RAP1GDS1: variants seen among roughly 807,000 people sequenced by gnomAD.
RAP1GDS1 encodes RAP1, GTP-GDP dissociation stimulator 1.
Under a neutral mutation model 71.1 loss-of-function variants are expected in RAP1GDS1, and 35 were observed. That is an observed-to-expected ratio of 0.49 (90% confidence interval 0.38 to 0.65). The LOEUF (loss-of-function observed/expected upper bound fraction) is 0.65. RAP1GDS1 is among the 30% of genes least tolerant of loss of function. RAP1GDS1 has a pLI of 0.00. For missense variants in RAP1GDS1, 663 were observed against 706.1 expected (o/e 0.94, Z 0.69); for synonymous variants, 229 against 243.1 (o/e 0.94, Z 0.54).
At chr4:98,429,952 G>A (rs558962610) in intron 12 of RAP1GDS1, among the ~76,000 whole-genome samples, 37 of 151,962 alleles carry the variant, frequency 2.4e-4, no homozygotes, top group Non-Finnish European at 4.4e-4. Context: ...TATGTCCACA[G>A]GAAGATACAT....
At chr4:98,399,110 CTA>C (rs1215509851) in intron 6 of RAP1GDS1, among the ~76,000 whole-genome samples, 1 of 151,956 alleles carries the variant, frequency 6.6e-6, no homozygotes, top group African/African-American at 2.4e-5. Flanking sequence ...AAAACCCAAA[CTA>C]TAAAACTAGT....
At chr4:98,284,546 A>G (rs888726143) in intron 1 of RAP1GDS1, among the ~76,000 whole-genome samples, 1 of 152,244 alleles carries the variant, frequency 6.6e-6, no homozygotes, top group Non-Finnish European at 1.5e-5. Context: ...TTTTTAGAAG[A>G]TAATCACAAC....
At chr4:98,329,007 A>G (rs754057546) in intron 2 of RAP1GDS1, among the ~76,000 whole-genome samples, 4 of 152,144 alleles carry the variant, frequency 2.6e-5, no homozygotes, top group Non-Finnish European at 4.4e-5. Flanking sequence ...CTTTTTACTC[A>G]CTCACTGTGA....
intron 3 of RAP1GDS1, among the ~76,000 whole-genome samples, chr4:98,350,036 T>C (rs1376733057): frequency 6.6e-6 from 1 of 152,220 alleles, no homozygotes; most frequent in Non-Finnish European, 1.5e-5. Context: ...TATCTTTATA[T>C]GTTTTTGAGT....
intron 1 of RAP1GDS1, among the ~76,000 whole-genome samples, chr4:98,287,976 G>A (rs930912737): frequency 6.6e-6 from 1 of 152,102 alleles, no homozygotes; most frequent in African/African-American, 2.4e-5. Flanking sequence ...TAATTATGAA[G>A]GTAGTGATAA....
At chr4:98,401,323 G>A (rs1745374620) in intron 6 of RAP1GDS1, among the ~76,000 whole-genome samples, 1 of 152,094 alleles carries the variant, frequency 6.6e-6, no homozygotes, top group African/African-American at 2.4e-5. Context: ...ATGAATTAGT[G>A]TATTACTGAA....
chr4:98,311,624 A>G (rs1052108294), intron 2 of RAP1GDS1, among the ~76,000 whole-genome samples: 4 of 152,096 alleles, frequency 2.6e-5, no homozygotes, highest in African/African-American at 7.2e-5. Flanking sequence ...ATGTATATTT[A>G]TGTGTGTGTG....
rs190833346 is a variant in RAP1GDS1 at position 98,380,134 on chromosome 4, C to T, written c.508+971C>T. Among the ~76,000 whole-genome samples, 6 of 150,324 alleles carry T rather than the reference C, an allele frequency of 4.0e-5. No individual in the cohort carries two copies. In the South Asian group the frequency reaches 6.3e-4, roughly 16 times the overall value. On this transcript the variant is annotated intron_variant, in intron 5 of 14. Coordinates refer to ENST00000408927, the MANE Select transcript of RAP1GDS1 (RefSeq NM_001100427.2). ...GCAATAAATGGCTACTGATATTTGGCCCTTGTTGTTAGTGACAACAGTGAA... is the reference window on the plus strand; with the variant it reads ...GCAATAAATGGCTACTGATATTTGGTCCTTGTTGTTAGTGACAACAGTGAA...
rs537366764 is a variant in RAP1GDS1, at chr4:98,381,376, T to A, written c.508+2213T>A. On this transcript the variant is annotated intron_variant, in intron 5 of 14. Coordinates refer to ENST00000408927, the MANE Select transcript of RAP1GDS1 (RefSeq NM_001100427.2). ...ACGAGTGTCTTAATTTGTGAAGTGA[T>A]TCTTTTTCTTCTAATGTTCACTGAA... Among the ~76,000 whole-genome samples the A allele has an allele frequency of 4.6e-5, 7 of 151,780 alleles. No individual in the cohort carries two copies. The South Asian group carries it at 1.2e-3, about 27-fold the overall frequency.
chr4:98,301,632 G>A (rs999942002), intron 2 of RAP1GDS1, among the ~76,000 whole-genome samples: 2 of 152,136 alleles, frequency 1.3e-5, no homozygotes, highest in African/African-American at 4.8e-5. Flanking sequence ...ATGGACAAGA[G>A]GAGAGGGAAA....
intron 1 of RAP1GDS1, among the ~76,000 whole-genome samples, chr4:98,273,883 T>G (rs926596833): frequency 2.6e-5 from 4 of 152,176 alleles, no homozygotes; most frequent in African/African-American, 9.6e-5. Flanking sequence ...GCTCCTCAAT[T>G]GCATGGTTAA....
intron 12 of RAP1GDS1, among the ~76,000 whole-genome samples, chr4:98,428,764 C>T (rs1391953254): frequency 3.3e-5 from 5 of 152,178 alleles, no homozygotes; most frequent in African/African-American, 1.2e-4. Flanking sequence ...AATACAACCA[C>T]TATGGAAAAC....
chr4:98,410,528 G>A (rs1290803495), intron 7 of RAP1GDS1, among the ~76,000 whole-genome samples: 1 of 152,088 alleles, frequency 6.6e-6, no homozygotes, highest in Non-Finnish European at 1.5e-5. Context: ...CCAGAAGCTT[G>A]TGCACATGTA....
intron 12 of RAP1GDS1, among the ~76,000 whole-genome samples, chr4:98,427,238 T>G (rs1225034304): frequency 2.6e-5 from 4 of 152,192 alleles, no homozygotes; most frequent in Non-Finnish European, 5.9e-5. Flanking sequence ...AAGCCGTCTA[T>G]GAGAAACTCA....
chr4:98,407,562 G>A (rs1268148945), intron 7 of RAP1GDS1, among the ~76,000 whole-genome samples: 2 of 152,036 alleles, frequency 1.3e-5, no homozygotes, highest in African/African-American at 4.8e-5. Flanking sequence ...TGGAACTAGA[G>A]GGCATTAATT....
At position 98,401,907 on chromosome 4, in the gene RAP1GDS1, CTAT is replaced by C. The variant is rs1048619347; in HGVS notation, c.638-2565_638-2563del. ...GATTGGAAGGAATAGAGTACCAATA[CTAT>C]TATTTTAAAGAAGAGTAAGAACATG... On this transcript the variant is annotated intron_variant, in intron 6 of 14. Transcript: ENST00000408927. 9.1e-4 allele frequency among the ~76,000 whole-genome samples: 139 copies of C among 152,120 alleles called. 3 individuals are homozygous for C. Among genetic ancestry groups the C allele is most frequent in the African/African-American group, 3.2e-3 (134 of 41,514 alleles).
intron 1 of RAP1GDS1, among the ~76,000 whole-genome samples, chr4:98,283,118 C>G (rs1000375650): frequency 2.0e-5 from 3 of 152,052 alleles, no homozygotes; most frequent in Non-Finnish European, 4.4e-5. Context: ...TTTAACTTTT[C>G]TGAAAATTGA....
At chr4:98,399,098 G>A (rs1049253724) in intron 6 of RAP1GDS1, among the ~76,000 whole-genome samples, 3 of 152,072 alleles carry the variant, frequency 2.0e-5, no homozygotes, top group African/African-American at 7.2e-5. Context: ...GGAACCACAT[G>A]TAAAACCCAA....
intron 7 of RAP1GDS1, among the ~76,000 whole-genome samples, chr4:98,412,914 A>G (rs1212584093): frequency 2.0e-5 from 3 of 152,140 alleles, no homozygotes; most frequent in African/African-American, 7.2e-5. Flanking sequence ...TCACAAGGCA[A>G]GGGCAAAGCA....
Sources: allele counts gnomAD v4.1 joint callset (sites outside exome capture counted in the v4.1 genomes callset), GRCh38; gene constraint gnomAD v4.1.1; transcripts MANE v1.5; gene names NCBI Gene and HGNC (gene_info 2026-07-23, HGNC 2026-07-21).